STRIP2: variants seen among roughly 807,000 people sequenced by gnomAD.
The protein encoded by STRIP2 is striatin interacting protein 2.
Under a neutral mutation model 107.1 loss-of-function variants are expected in STRIP2, and 84 were observed. The ratio of observed to expected loss-of-function variants is 0.78; its 90% CI spans 0.66 to 0.94. The LOEUF (loss-of-function observed/expected upper bound fraction) is 0.94, where lower values mean the gene tolerates loss of function less well. Ranked by LOEUF, STRIP2 falls within the 40% of genes least tolerant of loss-of-function variation. The probability of loss-of-function intolerance (pLI) is 0.00; values close to 1 mark genes in which losing one functional copy is unlikely to be tolerated. For synonymous variants in STRIP2, 394 were observed against 400.4 expected (o/e 0.98, Z 0.19); for missense variants, 888 against 1,034.2 (o/e 0.86, Z 1.94).
At chr7:129,474,801 C>T (rs1032673662) in intron 18 of STRIP2, among the ~76,000 whole-genome samples, 24 of 152,262 alleles carry the variant, frequency 1.6e-4, no homozygotes, top group African/African-American at 5.5e-4. Context: ...CCTGAGCCAC[C>T]GCTGGGCTGA....
chr7:129,460,481 G>A, intron 13 of STRIP2, 109 bp downstream of exon 13: 1 of 922,222 alleles, frequency 1.1e-6, no homozygotes, highest in Non-Finnish European at 1.7e-6. Context: ...CTGTAACTGT[G>A]TTCCAGGCAA....
At chr7:129,452,906 C>A (rs1413394458) in intron 4 of STRIP2, among the ~76,000 whole-genome samples, 1 of 152,220 alleles carries the variant, frequency 6.6e-6, no homozygotes, top group Non-Finnish European at 1.5e-5. Context: ...TCCTTTTCTT[C>A]CCTATCTCTA....
rs913715941 is a variant in STRIP2, at chr7:129,461,018, A to G, written c.1476+646A>G. Among the ~76,000 whole-genome samples the G allele has an allele frequency of 1.3e-5, 2 of 152,218 alleles. No individual in the cohort carries two copies. Among genetic ancestry groups the G allele is most frequent in the Admixed American group, 6.5e-5 (1 of 15,278 alleles). ...TCTAAAAACATTAGCTTCTGTGTAAAGATTGGACCAGAAAAGCATAGACGC... is the reference window on the plus strand; with the variant it reads ...TCTAAAAACATTAGCTTCTGTGTAAGGATTGGACCAGAAAAGCATAGACGC... On this transcript the variant is annotated intron_variant, in intron 13 of 20. Transcript: ENST00000249344. The surrounding 1 kb of genome is among the most constrained non-coding windows in gnomAD (Gnocchi z 4.0).
intron 1 of STRIP2, 122 bp from the exon 2 acceptor site, chr7:129,439,900 A>T (rs111397367): frequency 5.2e-6 from 4 of 765,068 alleles, no homozygotes; most frequent in African/African-American, 3.4e-5. Context: ...GACTCTCCTA[A>T]CTGTCTCCCT....
intron 2 of STRIP2, among the ~76,000 whole-genome samples, chr7:129,442,344 A>G (rs1797923814): frequency 6.6e-6 from 1 of 152,224 alleles, no homozygotes; most frequent in African/African-American, 2.4e-5. Context: ...GCAATATCAT[A>G]TGTTTACAGG....
chr7:129,458,729 A>T lies in STRIP2; in HGVS notation c.1292A>T (p.His431Leu), dbSNP rs1798440038. 4 of 1,614,166 alleles carry T rather than the reference A, an allele frequency of 2.5e-6. No individual in the cohort carries two copies. The highest frequency in any genetic ancestry group is 3.4e-6 in the Non-Finnish European group (4 of 1,180,020). The stretch of plus-strand genomic sequence containing the variant: ...CCTCTCAGACAGAAGGACATTGAGC[A>T]CTTCTTGGAGATGAGCAGGAACAAG... ...APKVRQKDIEHFLEMSRNKFI... is the reference protein window; with the variant it reads ...APKVRQKDIELFLEMSRNKFI... The change falls in exon 11 of 21, where the codon CAC becomes CTC. Residue 431 changes from histidine to leucine, a missense_variant. Coordinates refer to ENST00000249344, the MANE Select transcript of STRIP2 (RefSeq NM_020704.3). The surrounding 1 kb of genome is among the most constrained non-coding windows in gnomAD (Gnocchi z 4.6).
chr7:129,435,615 T>C (rs576208580), intron 1 of STRIP2, among the ~76,000 whole-genome samples: 9 of 152,352 alleles, frequency 5.9e-5, no homozygotes, highest in Admixed American at 5.9e-4. Context: ...GGAACCTCTC[T>C]GAGCTCCAGT....
chr7:129,460,259 T>G, intron 12 of STRIP2, 42 bp from the exon 13 acceptor site: 6 of 1,568,802 alleles, frequency 3.8e-6, no homozygotes, highest in Non-Finnish European at 5.2e-6. Flanking sequence ...CACATGTGAA[T>G]GAGGCCCTCA....
intron 4 of STRIP2, among the ~76,000 whole-genome samples, chr7:129,452,882 G>T (rs1181805813): frequency 3.9e-5 from 6 of 152,160 alleles, no homozygotes; most frequent in Admixed American, 3.9e-4. Flanking sequence ...TCCCCTGAGT[G>T]AACTCTTTGG....
At chr7:129,453,437 C>T (rs1283681328) in intron 5 of STRIP2, 90 bp downstream of exon 5, 10 of 1,521,380 alleles carry the variant, frequency 6.6e-6, no homozygotes, top group African/African-American at 1.4e-5. Flanking sequence ...ACTATAGAGA[C>T]CCCCTGTGAG....
At chr7:129,473,727 A>AT (rs910160938) in intron 18 of STRIP2, among the ~76,000 whole-genome samples, 5 of 149,992 alleles carry the variant, frequency 3.3e-5, no homozygotes, top group Non-Finnish European at 5.9e-5. Context: ...TTATTTATTT[A>AT]TTTTTTTTGA....
At chr7:129,482,471 G>A (rs969659334) in intron 19 of STRIP2, among the ~76,000 whole-genome samples, 31 of 147,716 alleles carry the variant, frequency 2.1e-4, no homozygotes, top group African/African-American at 7.7e-4. Context: ...TCCGCCTCCT[G>A]GGTTCAAGCA....
Position 129,458,924 on chromosome 7 carries a change from GTTCT to G in STRIP2, c.1340+152_1340+155del. 1.5e-6 allele frequency: 1 copy of G among 678,966 alleles called. No individual in the cohort carries two copies. Among genetic ancestry groups the G allele is most frequent in the Non-Finnish European group, 2.5e-6 (1 of 398,952 alleles). 42.1% of individuals were successfully genotyped at this position (678,966 alleles called of 1,614,324 possible). On this transcript the variant is annotated intron_variant, in intron 11 of 20. Coordinates refer to ENST00000249344, the MANE Select transcript of STRIP2 (RefSeq NM_020704.3). The surrounding 1 kb of genome is among the most constrained non-coding windows in gnomAD (Gnocchi z 4.6). ...GGACAACTCCCAGTGACTACTTTGG[GTTCT>G]TTCTATGGATTTCTTTTTTCCTTGA...
intron 1 of STRIP2, among the ~76,000 whole-genome samples, chr7:129,437,227 A>G (rs958840624): frequency 2.0e-5 from 3 of 149,240 alleles, no homozygotes; most frequent in Non-Finnish European, 1.5e-5. Flanking sequence ...AGCTTCAGCC[A>G]GGAATTCGAG....
At chr7:129,444,538 C>T (rs1029222882) in intron 3 of STRIP2, among the ~76,000 whole-genome samples, 1 of 152,214 alleles carries the variant, frequency 6.6e-6, no homozygotes. Flanking sequence ...CCCCAGCCGG[C>T]TGACTCAAAT....
intron 13 of STRIP2, 166 bp downstream of exon 13, chr7:129,460,538 TAAAAAA>T (rs1798504327): frequency 6.3e-6 from 4 of 636,002 alleles, no homozygotes; most frequent in Non-Finnish European, 8.3e-6. Context: ...GGAAGAAAGA[TAAAAAA>T]TAAAAAGTTA....
At chr7:129,437,815 T>TTTTTTTTTTG (rs1797787357) in intron 1 of STRIP2, among the ~76,000 whole-genome samples, 1 of 150,156 alleles carries the variant, frequency 6.7e-6, no homozygotes. Context: ...TTTTTTGTTT[T>TTTTTTTTTTG]TTTTTTTTTT....
At chr7:129,444,821 A>G (rs923366572) in intron 3 of STRIP2, among the ~76,000 whole-genome samples, 1 of 152,232 alleles carries the variant, frequency 6.6e-6, no homozygotes, top group African/African-American at 2.4e-5. Flanking sequence ...TATTATATAA[A>G]GTTAACAATA....
intron 14 of STRIP2, among the ~76,000 whole-genome samples, chr7:129,463,252 G>T (rs1309434422): frequency 6.6e-6 from 1 of 152,192 alleles, no homozygotes; most frequent in East Asian, 1.9e-4. Context: ...GAAGGGTGGG[G>T]AATAAGTTGG....
Sources: allele counts gnomAD v4.1 joint callset (sites outside exome capture counted in the v4.1 genomes callset), GRCh38; gene constraint gnomAD v4.1.1; non-coding constraint Gnocchi (gnomAD v3.1); transcripts MANE v1.5; gene names NCBI Gene and HGNC (gene_info 2026-07-23, HGNC 2026-07-21).